DLG2: variants seen among roughly 807,000 people sequenced by gnomAD.
DLG2 encodes discs large MAGUK scaffold protein 2, also known as disks large homolog 2.
Under a neutral mutation model 132.5 loss-of-function variants are expected in DLG2, and 45 were observed. That is an observed-to-expected ratio of 0.34 (90% CI 0.27 to 0.44). DLG2 has a LOEUF of 0.44. DLG2 is among the 20% of genes least tolerant of loss of function. The pLI is 1.00. For missense variants in DLG2, 1,045 were observed against 1,196.9 expected (o/e 0.87, Z 1.87); for synonymous variants, 424 against 419.6 (o/e 1.01, Z -0.13).
intron 6 of DLG2, among the ~76,000 whole-genome samples, chr11:84,554,332 C>T (rs559423213): frequency 1.2e-4 from 19 of 152,232 alleles, no homozygotes; most frequent in African/African-American, 4.3e-4. Flanking sequence ...GAGGGCAGAA[C>T]GACTACCAGT....
chr11:83,986,355 C>T (rs2093311096), intron 11 of DLG2, among the ~76,000 whole-genome samples: 1 of 151,878 alleles, frequency 6.6e-6, no homozygotes, highest in South Asian at 2.1e-4. Flanking sequence ...TGATGATTTC[C>T]AATTTCATCC....
In DLG2 at chr11:84,337,266, G is replaced by A. The variant is rs117125991; in HGVS notation, c.520-85975C>T. ...AACACAGCTAATAAAAGAGAACCCA[G>A]GATCCAAGTTCACGTGGTTCAACCC... On this transcript the variant is annotated intron_variant, in intron 7 of 27. Coordinates refer to ENST00000376104, the MANE Select transcript of DLG2 (RefSeq NM_001142699.3). 1.9e-3 allele frequency among the ~76,000 whole-genome samples: 288 copies of A among 152,198 alleles called. 1 individual carries two copies. Among genetic ancestry groups the A allele is most frequent in the Non-Finnish European group, 3.4e-3 (233 of 68,014 alleles).
intron 7 of DLG2, among the ~76,000 whole-genome samples, chr11:84,489,877 G>T (rs1243511071): frequency 6.6e-6 from 1 of 151,658 alleles, no homozygotes; most frequent in Non-Finnish European, 1.5e-5. Flanking sequence ...CTATAAGAAA[G>T]AAGATGATAT....
At chr11:84,625,137 G>C (rs1388764409) in intron 6 of DLG2, among the ~76,000 whole-genome samples, 1 of 151,910 alleles carries the variant, frequency 6.6e-6, no homozygotes, top group Non-Finnish European at 1.5e-5. Flanking sequence ...TGGGATTACA[G>C]GCGTGAGCCA....
chr11:84,722,408 TA>T, intron 6 of DLG2, among the ~76,000 whole-genome samples: 1 of 152,248 alleles, frequency 6.6e-6, no homozygotes, highest in East Asian at 1.9e-4. Flanking sequence ...ATGTATTGGT[TA>T]GAACAAAAGA....
At chr11:85,561,667 T>C (rs961335818) in intron 3 of DLG2, among the ~76,000 whole-genome samples, 2 of 151,840 alleles carry the variant, frequency 1.3e-5, no homozygotes, top group Non-Finnish European at 2.9e-5. Flanking sequence ...TTAGCAAGCA[T>C]GGTTCTATAG....
rs1428440226 is a variant in DLG2, at chr11:85,509,210, A to G, written c.40+89447T>C. Among the ~76,000 whole-genome samples, 3 of 152,074 alleles carry G rather than the reference A, an allele frequency of 2.0e-5. No individual in the cohort carries two copies. In the South Asian group the frequency reaches 6.2e-4, roughly 31 times the overall value. On this transcript the variant is annotated intron_variant, in intron 3 of 27. Coordinates refer to ENST00000376104, the MANE Select transcript of DLG2 (RefSeq NM_001142699.3). Reference sequence around the variant, plus strand: ...ATGCCTATCTACACCTGAGTCCTGAAAAGAAATAAATCTAACAGAAACCAA... The same window carrying G: ...ATGCCTATCTACACCTGAGTCCTGAGAAGAAATAAATCTAACAGAAACCAA...
At chr11:85,420,664 C>T (rs1170763447) in intron 3 of DLG2, among the ~76,000 whole-genome samples, 1 of 152,238 alleles carries the variant, frequency 6.6e-6, no homozygotes, top group African/African-American at 2.4e-5. Flanking sequence ...ACTCTGGCTA[C>T]AGTGGCTTTG....
intron 19 of DLG2, among the ~76,000 whole-genome samples, chr11:83,564,894 A>T (rs1301611321): frequency 2.6e-5 from 4 of 152,144 alleles, no homozygotes; most frequent in African/African-American, 9.7e-5. Flanking sequence ...GGGGATTTGC[A>T]AATATCTTCT....
chr11:83,790,064 T>G, intron 17 of DLG2: 1 of 1,216,970 alleles, frequency 8.2e-7, no homozygotes, highest in Non-Finnish European at 1.1e-6. Flanking sequence ...TAAAACAAAA[T>G]GACACAGGTA....
intron 7 of DLG2, among the ~76,000 whole-genome samples, chr11:84,440,306 G>C (rs549686443): frequency 6.6e-6 from 1 of 152,292 alleles, no homozygotes; most frequent in South Asian, 2.1e-4. Context: ...GTAAACAGTA[G>C]ATACTCAAAA....
intron 18 of DLG2, among the ~76,000 whole-genome samples, chr11:83,775,415 G>A (rs962762054): frequency 6.6e-6 from 1 of 152,092 alleles, no homozygotes; most frequent in Non-Finnish European, 1.5e-5. Context: ...TTTTAACCTC[G>A]GGAAAACCAC....
intron 6 of DLG2, among the ~76,000 whole-genome samples, chr11:85,070,041 A>C (rs1292592652): frequency 6.6e-6 from 1 of 152,018 alleles, no homozygotes; most frequent in Non-Finnish European, 1.5e-5. Context: ...TTCTCAGCAA[A>C]CTATCGCAAG....
At chr11:85,039,319 G>A (rs554623801) in intron 6 of DLG2, among the ~76,000 whole-genome samples, 112 of 151,766 alleles carry the variant, frequency 7.4e-4, no homozygotes, top group African/African-American at 2.5e-3. Context: ...ATTCACCCAC[G>A]ATATCTTATA....
intron 6 of DLG2, among the ~76,000 whole-genome samples, chr11:85,080,149 A>G (rs1335289355): frequency 6.6e-6 from 1 of 152,104 alleles, no homozygotes; most frequent in Non-Finnish European, 1.5e-5. Context: ...CTGTTCTGTG[A>G]TAGTACCTGA....
At chr11:85,195,614 C>A (rs538952798) in intron 4 of DLG2, among the ~76,000 whole-genome samples, 1 of 150,926 alleles carries the variant, frequency 6.6e-6, no homozygotes, top group Non-Finnish European at 1.5e-5. Context: ...AGCTCCGCCT[C>A]CAGGGTTCAC....
intron 3 of DLG2, among the ~76,000 whole-genome samples, chr11:85,428,409 A>G (rs913134519): frequency 9.9e-5 from 15 of 152,188 alleles, no homozygotes; most frequent in African/African-American, 2.2e-4. Context: ...TAAAAGAACA[A>G]AAATTATAAC....
At chr11:84,036,715 T>G (rs1006991879) in intron 11 of DLG2, among the ~76,000 whole-genome samples, 5 of 152,168 alleles carry the variant, frequency 3.3e-5, no homozygotes, top group African/African-American at 1.2e-4. Context: ...GTTTTAAAAC[T>G]TGTGAATTAC....
At chr11:83,679,882 A>T (rs1442639487) in intron 18 of DLG2, among the ~76,000 whole-genome samples, 1 of 152,052 alleles carries the variant, frequency 6.6e-6, no homozygotes, top group East Asian at 1.9e-4. Context: ...TTCCATTTAC[A>T]CCTTGCTGAG....
Sources: gnomAD v4.1 joint callset for allele counts (sites outside exome capture counted in the v4.1 genomes callset) on GRCh38, gnomAD v4.1.1 for gene constraint, MANE v1.5 for transcripts, NCBI Gene and HGNC (gene_info 2026-07-23, HGNC 2026-07-21) for gene names.